THSD7B: variants seen among roughly 807,000 people sequenced by gnomAD.
THSD7B encodes thrombospondin type-1 domain-containing protein 7B.
THSD7B carries 138 observed loss-of-function variants against 213.6 expected under a neutral mutation model. That is an observed-to-expected ratio of 0.65 (90% CI 0.56 to 0.74). The LOEUF is 0.74. THSD7B is among the 30% of genes least tolerant of loss of function. The pLI, the probability that THSD7B is intolerant of heterozygous loss-of-function variation, is 0.00. For synonymous variants in THSD7B, 742 were observed against 687.0 expected (o/e 1.08, Z -1.25); for missense variants, 1,931 against 1,991.5 (o/e 0.97, Z 0.58).
chr2:137,308,285 T>C (rs1314389684), intron 12 of THSD7B, among the ~76,000 whole-genome samples: 1 of 152,006 alleles, frequency 6.6e-6, no homozygotes, highest in African/African-American at 2.4e-5. Context: ...CTGTTCAGTG[T>C]GTGATGATTT....
At chr2:137,216,070 C>T (rs10928598) in intron 7 of THSD7B, among the ~76,000 whole-genome samples, 6 of 151,810 alleles carry the variant, frequency 4.0e-5, no homozygotes, top group East Asian at 1.9e-4. Context: ...AATTAGAAAC[C>T]GTATTGCAGT....
At chr2:137,395,999 C>T (rs192885248) in intron 12 of THSD7B, among the ~76,000 whole-genome samples, 68 of 152,192 alleles carry the variant, frequency 4.5e-4, no homozygotes, top group East Asian at 3.1e-3. Context: ...TCTGTGGGAC[C>T]GGTGGTGATA....
At position 137,670,939 on chromosome 2, in the gene THSD7B, AAAAAAAAAAAAAT is replaced by A. The variant is rs1198673100; in HGVS notation, c.4739+3079_4739+3091del. Among the ~76,000 whole-genome samples, 144 of 121,242 alleles carry A rather than the reference AAAAAAAAAAAAAT, an allele frequency of 1.2e-3. 1 individual carries two copies. The highest frequency in any genetic ancestry group is 3.9e-3 in the African/African-American group (128 of 32,642). 79.5% of individuals were successfully genotyped at this position (121,242 alleles called of 152,430 possible). ...CCGCCTCAAAAAAAAAAAAAAAAAA[AAAAAAAAAAAAAT>A]GCTTGTCTTCTCTAATTTCATATTC... On this transcript the variant is annotated intron_variant, in intron 27 of 27. Transcript: ENST00000409968.
At chr2:137,592,162 A>C (rs1456134342) in intron 17 of THSD7B, among the ~76,000 whole-genome samples, 2 of 151,616 alleles carry the variant, frequency 1.3e-5, no homozygotes, top group Non-Finnish European at 3.0e-5. Context: ...ATTATGTTTT[A>C]TTTTTATTAA....
At chr2:137,663,931 G>A (rs763572850) in intron 26 of THSD7B, among the ~76,000 whole-genome samples, 1 of 151,522 alleles carries the variant, frequency 6.6e-6, no homozygotes, top group African/African-American at 2.4e-5. Flanking sequence ...GGCTTACTGC[G>A]ACCTCCACCT....
At chr2:137,585,275 C>T (rs575631946) in intron 17 of THSD7B, among the ~76,000 whole-genome samples, 1 of 151,422 alleles carries the variant, frequency 6.6e-6, no homozygotes, top group Non-Finnish European at 1.5e-5. Flanking sequence ...TTTTTTTGAT[C>T]TTTTCAAAAA....
intron 2 of THSD7B, among the ~76,000 whole-genome samples, chr2:136,949,440 GT>G (rs1464648881): frequency 6.6e-6 from 1 of 152,186 alleles, no homozygotes; most frequent in East Asian, 1.9e-4. Flanking sequence ...AGCTGGACTT[GT>G]TTGAAGCCAC....
chr2:137,291,798 C>A (rs1169280347), intron 12 of THSD7B, among the ~76,000 whole-genome samples: 1 of 151,992 alleles, frequency 6.6e-6, no homozygotes. Context: ...TTCTCTGATG[C>A]CAGGATTATG....
At chr2:137,408,698 T>C (rs1686583068) in intron 13 of THSD7B, among the ~76,000 whole-genome samples, 2 of 152,212 alleles carry the variant, frequency 1.3e-5, no homozygotes, top group South Asian at 4.1e-4. Context: ...CATTTCTTTC[T>C]GGAGGCTTCA....
chr2:137,523,733 C>CA (rs1680228502), intron 15 of THSD7B, among the ~76,000 whole-genome samples: 1 of 152,184 alleles, frequency 6.6e-6, no homozygotes, highest in African/African-American at 2.4e-5. Flanking sequence ...GGTTACTCCA[C>CA]TGTGCTGTTT....
chr2:137,206,454 G>T (rs572224974), intron 7 of THSD7B, among the ~76,000 whole-genome samples: 8 of 152,204 alleles, frequency 5.3e-5, no homozygotes, highest in Non-Finnish European at 1.2e-4. Context: ...TTTCAGCCCT[G>T]ACTGCGTATT....
At chr2:137,483,769 C>G (rs1688359966) in intron 15 of THSD7B, among the ~76,000 whole-genome samples, 1 of 152,078 alleles carries the variant, frequency 6.6e-6, no homozygotes, top group African/African-American at 2.4e-5. Flanking sequence ...GACCCAGAAG[C>G]CCCCGCTGGT....
intron 15 of THSD7B, among the ~76,000 whole-genome samples, chr2:137,485,763 C>A (rs1186231986): frequency 6.6e-6 from 1 of 152,142 alleles, no homozygotes; most frequent in East Asian, 1.9e-4. Context: ...GGGTTACCCA[C>A]AAAGGGAAGC....
intron 2 of THSD7B, among the ~76,000 whole-genome samples, chr2:137,026,959 A>C (rs543242735): frequency 2.8e-4 from 42 of 152,288 alleles, no homozygotes; most frequent in African/African-American, 9.9e-4. Flanking sequence ...CAATCTGCAA[A>C]AGTCAAGCTT....
intron 3 of THSD7B, among the ~76,000 whole-genome samples, chr2:137,085,223 T>G (rs137932951): frequency 6.6e-6 from 1 of 152,256 alleles, no homozygotes; most frequent in Non-Finnish European, 1.5e-5. Context: ...AATCAGCCAA[T>G]AGTAATGATT....
chr2:136,819,031 T>C (rs1682528156), intron 1 of THSD7B, among the ~76,000 whole-genome samples: 1 of 152,210 alleles, frequency 6.6e-6, no homozygotes, highest in African/African-American at 2.4e-5. Flanking sequence ...TCCATATTTG[T>C]CATGTAAAAC....
In THSD7B at chr2:137,001,773, T is replaced by C. The variant is rs547277216; in HGVS notation, c.140-54647T>C. On this transcript the variant is annotated intron_variant, in intron 2 of 27. Coordinates refer to ENST00000409968, the MANE Select transcript of THSD7B (RefSeq NM_001316349.2). ...AACCCACTTTTTCGAAACCACCTAC[T>C]CATTCATTTTCTCACAACCAGTCAC... Among the ~76,000 whole-genome samples the C allele has an allele frequency of 2.2e-3, 330 of 152,288 alleles. 1 individual carries two copies. The highest frequency in any genetic ancestry group is 4.7e-3 in the Admixed American group (72 of 15,288).
At position 137,574,916 on chromosome 2, in the gene THSD7B, A is replaced by G. The variant is rs186138583; in HGVS notation, c.3423+2360A>G. The stretch of plus-strand genomic sequence containing the variant: ...ATTAGAAAAAGGAAACAATTATTTT[A>G]TAAGTGTCCTGTAGAACATGAGCTG... On this transcript the variant is annotated intron_variant, in intron 17 of 27. Transcript: ENST00000409968. Among the ~76,000 whole-genome samples, 443 of 152,254 alleles carry G rather than the reference A, an allele frequency of 2.9e-3. 4 individuals are homozygous for G. The highest frequency in any genetic ancestry group is 9.9e-3 in the African/African-American group (413 of 41,564).
At chr2:136,858,117 C>T (rs1187719305) in intron 1 of THSD7B, among the ~76,000 whole-genome samples, 1 of 152,046 alleles carries the variant, frequency 6.6e-6, no homozygotes, top group Non-Finnish European at 1.5e-5. Flanking sequence ...TTGAAAACAG[C>T]ATTGGAGAAA....
Sources: allele counts gnomAD v4.1 joint callset (sites outside exome capture counted in the v4.1 genomes callset), GRCh38; gene constraint gnomAD v4.1.1; transcripts MANE v1.5; gene names NCBI Gene and HGNC (gene_info 2026-07-23, HGNC 2026-07-21).